The following TET3 variants were observed in gnomAD, a reference collection of about 807,000 sequenced individuals.
TET3 encodes methylcytosine dioxygenase TET3.
TET3 carries 19 observed loss-of-function variants against 141.4 expected under a neutral mutation model. That is an observed-to-expected ratio of 0.13 (90% confidence interval 0.09 to 0.20). The LOEUF is 0.20. Among genes scored for constraint, TET3 ranks in the 10% least tolerant of loss-of-function variants. TET3 has a pLI of 1.00. For missense variants in TET3, 1,874 were observed against 2,356.9 expected (o/e 0.80, Z 4.24); for synonymous variants, 1,043 against 980.9 (o/e 1.06, Z -1.18).
downstream of TET3, among the ~76,000 whole-genome samples, chr2:74,111,704 G>A (rs1280733596): frequency 6.6e-6 from 1 of 152,230 alleles, no homozygotes; most frequent in African/African-American, 2.4e-5. Flanking sequence ...CTAAATGTGA[G>A]ACCCTTCAGA....
intron 3 of TET3, among the ~76,000 whole-genome samples, chr2:74,043,777 T>A (rs1687468296): frequency 6.6e-6 from 1 of 152,058 alleles, no homozygotes; most frequent in Admixed American, 6.6e-5. Flanking sequence ...ACAGAGCTCA[T>A]CCCAAACCCT....
the TET3 span, among the ~76,000 whole-genome samples, chr2:74,125,059 T>C: frequency 2.0e-5 from 3 of 149,720 alleles, no homozygotes; most frequent in Admixed American, 2.0e-4. Context: ...CAGGCTGGGG[T>C]GCAATGGTGC....
In TET3 at chr2:74,101,095, G is replaced by A; in HGVS notation, c.4307G>A (p.Gly1436Glu). The A allele has an allele frequency of 6.2e-7, 1 of 1,613,224 alleles. No individual in the cohort carries two copies. Among genetic ancestry groups the A allele is most frequent in the Non-Finnish European group, 8.5e-7 (1 of 1,179,514 alleles). The stretch of plus-strand genomic sequence containing the variant: ...AATGGAGGACCCAGTCACCTTTGGG[G>A]ACAGTACTCAGGAGGCCCAAGCATG... Reference protein sequence around the residue: ...SQNGGPSHLWGQYSGGPSMSP... With the variant: ...SQNGGPSHLWEQYSGGPSMSP... The change falls in exon 12 of 12, where the codon GGA becomes GAA. Residue 1436 changes from glycine to glutamate, a missense_variant. Physicochemically the swap from Gly to Glu is moderately conservative, Grantham distance 98 (BLOSUM62 -2). Coordinates refer to ENST00000409262, the MANE Select transcript of TET3 (RefSeq NM_001287491.2). This position sits in a 1 kb window ranked among gnomAD's most constrained non-coding sequence, Gnocchi z 8.5.
At position 74,056,222 on chromosome 2, in the gene TET3, GC is replaced by G. The variant is rs1228060226; in HGVS notation, c.2494+7813del. Among the ~76,000 whole-genome samples the G allele has an allele frequency of 2.0e-5, 3 of 152,338 alleles. No homozygotes were observed. The South Asian group carries it at 6.2e-4, about 32-fold the overall frequency. The stretch of plus-strand genomic sequence containing the variant: ...GGTTCCCCACTGGAAAAATGTGGAT[GC>G]CTTAGTCTGTGTGTAGAGAGTGTGG... On this transcript the variant is annotated intron_variant, in intron 4 of 11. Coordinates refer to ENST00000409262, the MANE Select transcript of TET3 (RefSeq NM_001287491.2).
chr2:74,084,220 C>T (rs959691245), intron 6 of TET3, among the ~76,000 whole-genome samples: 7 of 152,122 alleles, frequency 4.6e-5, no homozygotes, highest in South Asian at 2.1e-4. Flanking sequence ...AAGGAAATTC[C>T]GGCACATGCT....
the TET3 span, among the ~76,000 whole-genome samples, chr2:74,116,992 C>T: frequency 6.6e-6 from 1 of 151,844 alleles, no homozygotes; most frequent in East Asian, 1.9e-4. Flanking sequence ...CTCAGGGAAG[C>T]ACCTCAAATG....
intron 10 of TET3, among the ~76,000 whole-genome samples, chr2:74,095,728 T>C (rs1690784966): frequency 6.6e-6 from 1 of 152,262 alleles, no homozygotes; most frequent in African/African-American, 2.4e-5. Context: ...TCTGCCATCA[T>C]TTATTTAACC....
chr2:74,010,197 C>T (rs556839550), intron 3 of TET3, among the ~76,000 whole-genome samples: 1 of 152,294 alleles, frequency 6.6e-6, no homozygotes, highest in African/African-American at 2.4e-5. Context: ...CCAAAGCAGT[C>T]TAAACACCCT....
chr2:74,101,900 C>T lies in TET3; in HGVS notation c.5112C>T (p.His1704=), dbSNP rs557382174. The change falls in exon 12 of 12, where the codon CAC becomes CAT. Residue 1704 remains histidine, a synonymous_variant. Coordinates refer to ENST00000409262, the MANE Select transcript of TET3 (RefSeq NM_001287491.2). The surrounding 1 kb of genome is among the most constrained non-coding windows in gnomAD (Gnocchi z 8.5). ...ACAAGAACCTCAACCAGCCCAACCA[C>T]GGGCTGGCCCTCTGGGAAGCCAAGA... is the stretch of plus-strand genomic sequence containing the variant. ...YQHKNLNQPN[H]GLALWEAKMK... 5.1e-5 allele frequency: 82 copies of T among 1,613,384 alleles called. No homozygotes were observed. Among genetic ancestry groups the T allele is most frequent in the Admixed American group, 2.3e-4 (14 of 60,024 alleles).
chr2:74,048,387 G>C lies in TET3; in HGVS notation c.2470G>C (p.Glu824Gln). ...LDTPAKRAQA[E>Q]FPTCDCVEQI... The stretch of plus-strand genomic sequence containing the variant: ...CACACCTGCCAAGAGAGCCCAGGCC[G>C]AGTTCCCCACCTGCGATTGCGTCGG... Residue 824 changes from glutamate to glutamine, a missense_variant, in exon 4 of 12, where the codon GAG (glutamate) becomes CAG (glutamine). Glu to Gln is a conservative substitution (Grantham distance 29). This residue lies in a region of TET3 where 83 missense variants were observed against 107.0 expected (regional missense o/e 0.78). Coordinates refer to ENST00000409262, the MANE Select transcript of TET3 (RefSeq NM_001287491.2). The C allele has an allele frequency of 6.2e-7, 1 of 1,610,620 alleles. No homozygotes were observed. The highest frequency in any genetic ancestry group is 8.5e-7 in the Non-Finnish European group (1 of 1,177,982).
At chr2:74,097,194 TGC>T in intron 10 of TET3, among the ~76,000 whole-genome samples, 1 of 60,044 alleles carries the variant, frequency 1.7e-5, no homozygotes, top group East Asian at 3.9e-4. Flanking sequence ...TAGCCATACA[TGC>T]ACACACACAC....
At chr2:74,006,357 T>TA (rs957484079) in intron 3 of TET3, among the ~76,000 whole-genome samples, 3 of 152,362 alleles carry the variant, frequency 2.0e-5, no homozygotes, top group East Asian at 1.9e-4. Flanking sequence ...GAACTGGAGT[T>TA]AGAGTCCCAG....
chr2:74,124,574 G>A, the TET3 span, among the ~76,000 whole-genome samples: 6 of 152,340 alleles, frequency 3.9e-5, no homozygotes, highest in Non-Finnish European at 5.9e-5. Flanking sequence ...ATTTTGTTCT[G>A]TACTAAGAAA....
chr2:74,038,053 T>A (rs1687158444), intron 3 of TET3, among the ~76,000 whole-genome samples: 2 of 152,136 alleles, frequency 1.3e-5, no homozygotes, highest in African/African-American at 4.8e-5. Context: ...TGCCTGCAGA[T>A]GTCTGGAGGA....
chr2:74,075,496 T>C (rs1310273434), intron 5 of TET3, among the ~76,000 whole-genome samples: 1 of 151,412 alleles, frequency 6.6e-6, no homozygotes, highest in Non-Finnish European at 1.5e-5. Context: ...TCCAGGCTGA[T>C]TTTTGTATTT....
At chr2:74,041,310 T>G (rs1687326285) in intron 3 of TET3, among the ~76,000 whole-genome samples, 1 of 152,216 alleles carries the variant, frequency 6.6e-6, no homozygotes, top group Non-Finnish European at 1.5e-5. Context: ...AAAGACTTTC[T>G]GGAGTTTTAT....
Position 74,101,690 on chromosome 2 carries a change from AGAG to A in TET3, c.4909_4911del (p.Glu1637del). The A allele has an allele frequency of 2.5e-6, 4 of 1,613,636 alleles. No homozygotes were observed. In the East Asian group the frequency reaches 6.7e-5, roughly 27 times the overall value. On this transcript the variant is annotated inframe_deletion, in exon 12 of 12. Coordinates refer to ENST00000409262, the MANE Select transcript of TET3 (RefSeq NM_001287491.2). The surrounding 1 kb of genome is among the most constrained non-coding windows in gnomAD (Gnocchi z 8.5). ...AGGGCGGTGGTGGTGCGGAGGAGGA[AGAG>A]GAGGAGCTGTGGTCGGACAGTGAAC... is the stretch of plus-strand genomic sequence containing the variant.
Position 74,046,582 on chromosome 2 carries a change from A to C in TET3, c.665A>C (p.Glu222Ala), listed in dbSNP as rs1687633802. 6.2e-7 allele frequency: 1 copy of C among 1,613,894 alleles called. No homozygotes were observed. The highest frequency in any genetic ancestry group is 1.3e-5 in the African/African-American group (1 of 74,944). Residue 222 changes from glutamate to alanine, a missense_variant, in exon 4 of 12, where the codon GAA (glutamate) becomes GCA (alanine). This residue lies in a region of TET3 where 366 missense variants were observed against 487.0 expected (regional missense o/e 0.75). Coordinates refer to ENST00000409262, the MANE Select transcript of TET3 (RefSeq NM_001287491.2). The surrounding 1 kb of genome is among the most constrained non-coding windows in gnomAD (Gnocchi z 4.3). ...GGGGCCCTTAGCACCCGGCTCTATG[A>C]AACCTTCAACCGTGAGATGAGTCGT... ...SYGALSTRLYETFNREMSREA... is the reference protein window; with the variant it reads ...SYGALSTRLYATFNREMSREA...
intron 8 of TET3, among the ~76,000 whole-genome samples, chr2:74,092,028 G>T (rs556577461): frequency 1.3e-5 from 2 of 152,352 alleles, no homozygotes; most frequent in South Asian, 4.1e-4. Context: ...TTCAGGCCGG[G>T]CATTGTGGCT....
Sources: gnomAD v4.1 joint callset for allele counts (sites outside exome capture counted in the v4.1 genomes callset) on GRCh38, gnomAD v4.1.1 for gene constraint, gnomAD v4.1.1 regional missense constraint, Gnocchi (gnomAD v3.1) non-coding constraint, MANE v1.5 for transcripts, NCBI Gene and HGNC (gene_info 2026-07-23, HGNC 2026-07-21) for gene names.